Variants in CC2D2A observed in about 807,000 individuals in gnomAD.
CC2D2A encodes coiled-coil and C2 domain-containing protein 2A.
Under a neutral mutation model 212.9 loss-of-function variants are expected in CC2D2A, and 155 were observed. The observed-to-expected ratio is 0.73, with a 90% confidence interval of 0.64 to 0.83. The LOEUF (loss-of-function observed/expected upper bound fraction) is 0.83, where lower values mean the gene tolerates loss of function less well. Among genes scored for constraint, CC2D2A ranks in the 40% least tolerant of loss-of-function variants. The pLI, the probability that CC2D2A is intolerant of heterozygous loss-of-function variation, is 0.00. For synonymous variants in CC2D2A, 667 were observed against 686.5 expected, an observed-to-expected ratio of 0.97 and a Z score of 0.44; for missense variants, 1,856 against 1,956.2, an observed-to-expected ratio of 0.95 and a Z score of 0.97.
At position 15,563,535 on chromosome 4, in the gene CC2D2A, C is replaced by A; in HGVS notation, c.3182+13C>A. 6.2e-7 allele frequency: 1 copy of A among 1,609,686 alleles called. No homozygotes were observed. Among genetic ancestry groups the A allele is most frequent in the Non-Finnish European group, 8.5e-7 (1 of 1,178,216 alleles). ...AGCCGGCAGTGAGGTGAGAGCCCTC[C>A]CAACAGCCCGAGATGCAGTGTGCAG... is the stretch of plus-strand genomic sequence containing the variant. On this transcript the variant is annotated intron_variant, in intron 24 of 36. Transcript: ENST00000424120.
intron 14 of CC2D2A, among the ~76,000 whole-genome samples, chr4:15,534,626 G>T (rs1290417534): frequency 6.6e-6 from 1 of 152,176 alleles, no homozygotes; most frequent in Non-Finnish European, 1.5e-5. Flanking sequence ...CTGGATAAGT[G>T]TTGTACCCAT....
chr4:15,542,192 A>G (rs1718490168), intron 17 of CC2D2A, among the ~76,000 whole-genome samples: 1 of 152,168 alleles, frequency 6.6e-6, no homozygotes, highest in Non-Finnish European at 1.5e-5. Context: ...TTTCCAAATT[A>G]GGTCGCATTC....
At chr4:15,563,600 C>T (rs1719724978) in intron 24 of CC2D2A, 78 bp downstream of exon 24, 1 of 1,450,932 alleles carries the variant, frequency 6.9e-7, no homozygotes, top group Non-Finnish European at 9.5e-7. Context: ...AGCATACTCA[C>T]TCTCATTCTT....
intron 28 of CC2D2A, among the ~76,000 whole-genome samples, 177 bp downstream of exon 28, chr4:15,570,673 G>A (rs1274371577): frequency 1.3e-5 from 2 of 152,094 alleles, no homozygotes; most frequent in African/African-American, 4.8e-5. Flanking sequence ...TGGCCAACAT[G>A]GTGAAACCCC....
intron 6 of CC2D2A, among the ~76,000 whole-genome samples, chr4:15,508,789 C>T (rs1030092036): frequency 3.3e-5 from 5 of 152,160 alleles, no homozygotes; most frequent in East Asian, 1.9e-4. Context: ...TGTTGGGTGA[C>T]AGTTATTCCA....
intron 3 of CC2D2A, among the ~76,000 whole-genome samples, 193 bp from the exon 4 acceptor site, chr4:15,480,511 T>C (rs1455867503): frequency 6.6e-6 from 1 of 152,194 alleles, no homozygotes; most frequent in Non-Finnish European, 1.5e-5. Context: ...CACAAAAGCA[T>C]TTCTAGAGAA....
rs781393345 is a variant in CC2D2A at position 15,569,284 on chromosome 4, G to A, written c.3399-9G>A. ...TTTTCACAGTCCCTGGTCATGTGCT[G>A]TCTTGCAGGGCTCCTAATGGAGATT... On this transcript the variant is annotated splice_polypyrimidine_tract_variant and intron_variant, in intron 26 of 36. Transcript: ENST00000424120. 2.0e-6 allele frequency: 3 copies of A among 1,537,706 alleles called. No homozygotes were observed. The highest frequency in any genetic ancestry group is 1.9e-5 in the Admixed American group (1 of 53,166).
intron 33 of CC2D2A, among the ~76,000 whole-genome samples, chr4:15,595,387 G>A (rs953491176): frequency 6.6e-6 from 1 of 152,138 alleles, no homozygotes; most frequent in Admixed American, 6.5e-5. Flanking sequence ...GAATAGACAG[G>A]CAATTATAAA....
intron 8 of CC2D2A, among the ~76,000 whole-genome samples, chr4:15,512,635 T>C (rs1298588032): frequency 6.6e-6 from 1 of 152,160 alleles, no homozygotes; most frequent in East Asian, 1.9e-4. Context: ...AATATGAATT[T>C]ACTTAATGCC....
chr4:15,492,702 G>A (rs917992263), intron 4 of CC2D2A: 26 of 741,346 alleles, frequency 3.5e-5, no homozygotes, highest in Non-Finnish European at 3.9e-5. Context: ...TGCTCTCACT[G>A]GGTCTGGTGG....
At chr4:15,532,637 G>C (rs562809577) in intron 13 of CC2D2A, among the ~76,000 whole-genome samples, 27 of 152,206 alleles carry the variant, frequency 1.8e-4, no homozygotes, top group African/African-American at 5.8e-4. Context: ...TCTAAACATG[G>C]CTATCATTTG....
intron 13 of CC2D2A, among the ~76,000 whole-genome samples, chr4:15,532,286 C>T (rs1237791433): frequency 1.3e-5 from 2 of 152,194 alleles, no homozygotes; most frequent in African/African-American, 2.4e-5. Flanking sequence ...TTTTCTACAG[C>T]TACCAGTTGA....
chr4:15,539,996 G>A (rs1718337279), intron 16 of CC2D2A, among the ~76,000 whole-genome samples: 2 of 152,128 alleles, frequency 1.3e-5, no homozygotes, highest in Non-Finnish European at 2.9e-5. Context: ...GTGGATAGTG[G>A]TGATGGTTAG....
At chr4:15,479,445 G>A (rs773435116) in intron 3 of CC2D2A, 16 of 810,756 alleles carry the variant, frequency 2.0e-5, no homozygotes, top group Non-Finnish European at 2.8e-5. Flanking sequence ...GGAGAGAAGC[G>A]CCATTTTGAG....
intron 30 of CC2D2A, among the ~76,000 whole-genome samples, chr4:15,580,734 A>G (rs900151690): frequency 6.6e-6 from 1 of 151,966 alleles, no homozygotes; most frequent in African/African-American, 2.4e-5. Context: ...CACTTCCAAA[A>G]TGTATTACAT....
intron 4 of CC2D2A, among the ~76,000 whole-genome samples, chr4:15,488,040 T>C (rs1298668626): frequency 6.6e-6 from 1 of 152,148 alleles, no homozygotes; most frequent in African/African-American, 2.4e-5. Flanking sequence ...GTAGTTATTA[T>C]TTTTGATAGG....
At chr4:15,474,795 G>A (rs1174613090) in intron 1 of CC2D2A, among the ~76,000 whole-genome samples, 1 of 152,174 alleles carries the variant, frequency 6.6e-6, no homozygotes, top group African/African-American at 2.4e-5. Flanking sequence ...GATGAGGGCC[G>A]AGAACTGATC....
intron 24 of CC2D2A, among the ~76,000 whole-genome samples, chr4:15,564,508 T>TA (rs1719790934): frequency 6.6e-6 from 1 of 152,150 alleles, no homozygotes; most frequent in Admixed American, 6.5e-5. Flanking sequence ...TATCTCCACT[T>TA]CACAAAAGGG....
At chr4:15,549,531 A>G (rs1164840389) in intron 17 of CC2D2A, among the ~76,000 whole-genome samples, 1 of 152,192 alleles carries the variant, frequency 6.6e-6, no homozygotes, top group Non-Finnish European at 1.5e-5. Context: ...CTGGACAAGA[A>G]TTCAGATCAG....
Sources: allele counts gnomAD v4.1 joint callset (sites outside exome capture counted in the v4.1 genomes callset), GRCh38; gene constraint gnomAD v4.1.1; transcripts MANE v1.5; gene names NCBI Gene and HGNC (gene_info 2026-07-23, HGNC 2026-07-21).